RBBP8: variants seen among roughly 807,000 people sequenced by gnomAD.
RBBP8 encodes the protein RB binding protein 8, endonuclease, also known as DNA endonuclease RBBP8.
A neutral mutation model predicts 108.3 loss-of-function variants in RBBP8; 88 were observed. The ratio of observed to expected loss-of-function variants is 0.81; its 90% confidence interval spans 0.68 to 0.97. The LOEUF is 0.97. Ranked by LOEUF, RBBP8 falls within the 50% of genes least tolerant of loss-of-function variation. The pLI is 0.00. For missense variants in RBBP8, 1,023 were observed against 1,049.0 expected, an observed-to-expected ratio of 0.98 and a Z score of 0.34; for synonymous variants, 332 against 348.2, an observed-to-expected ratio of 0.95 and a Z score of 0.52.
At chr18:23,006,334 A>T (rs1295863435) in intron 15 of RBBP8, 29 bp from the exon 16 acceptor site, 1 of 1,576,568 alleles carries the variant, frequency 6.3e-7, no homozygotes, top group African/African-American at 1.4e-5. Flanking sequence ...TTCTACATTT[A>T]GTTTGTAATG....
chr18:22,958,682 C>G (rs964400141), intron 4 of RBBP8, among the ~76,000 whole-genome samples: 2 of 152,068 alleles, frequency 1.3e-5, no homozygotes, highest in African/African-American at 4.8e-5. Context: ...GTAGCTGGGA[C>G]TACACATAAC....
chr18:22,938,157 G>A (rs370106778), intron 2 of RBBP8, among the ~76,000 whole-genome samples: 1 of 151,900 alleles, frequency 6.6e-6, no homozygotes, highest in Middle Eastern at 3.2e-3. Flanking sequence ...TTTGAGACAG[G>A]GTCTTGCTTT....
chr18:23,014,238 T>TGCCC (rs1176265326), intron 16 of RBBP8, among the ~76,000 whole-genome samples: 1 of 152,154 alleles, frequency 6.6e-6, no homozygotes, highest in Non-Finnish European at 1.5e-5. Context: ...GTTGTTTTCA[T>TGCCC]GCCCGCTAAC....
intron 6 of RBBP8, among the ~76,000 whole-genome samples, chr18:22,980,044 G>C (rs1481937022): frequency 6.6e-6 from 1 of 152,072 alleles, no homozygotes; most frequent in Non-Finnish European, 1.5e-5. Context: ...TCAGGAGTTT[G>C]GGACCAGCCT....
intron 10 of RBBP8, among the ~76,000 whole-genome samples, 192 bp from the exon 11 acceptor site, chr18:22,992,556 G>T (rs574792344): frequency 6.6e-6 from 1 of 152,130 alleles, no homozygotes; most frequent in Admixed American, 6.6e-5. Context: ...TTTAAAATAT[G>T]AATATTATGG....
chr18:22,975,315 T>C (rs1456668344), intron 6 of RBBP8, 96 bp downstream of exon 6: 1 of 1,516,156 alleles, frequency 6.6e-7, no homozygotes, highest in Non-Finnish European at 8.9e-7. Flanking sequence ...TTAAAAATTA[T>C]GAAGTGTTCT....
chr18:23,022,556 T>G (rs1369714977), intron 18 of RBBP8, among the ~76,000 whole-genome samples: 1 of 147,876 alleles, frequency 6.8e-6, no homozygotes, highest in African/African-American at 2.6e-5. Context: ...GAGCCAAGAT[T>G]GTGCCATTGC....
In RBBP8 at chr18:22,982,910, A is replaced by G. The variant is rs1028788432; in HGVS notation, c.604+517A>G. Among the ~76,000 whole-genome samples the G allele has an allele frequency of 2.6e-5, 4 of 152,244 alleles. No homozygotes were observed. In the South Asian group the frequency reaches 6.2e-4, roughly 24 times the overall value. On this transcript the variant is annotated intron_variant, in intron 7 of 18. Coordinates refer to ENST00000327155, the MANE Select transcript of RBBP8 (RefSeq NM_002894.3). ...TGTAGATGAGTCAAAATTCAAATAC[A>G]GATCTTCTTAGCTCTGAACTTTCCT...
intron 2 of RBBP8, among the ~76,000 whole-genome samples, chr18:22,945,216 G>A (rs909563283): frequency 2.0e-5 from 3 of 152,056 alleles, no homozygotes; most frequent in Non-Finnish European, 4.4e-5. Context: ...AAATTAAAGA[G>A]TAAATATTGA....
chr18:23,010,824 T>G (rs912781575), intron 16 of RBBP8, among the ~76,000 whole-genome samples: 3 of 152,126 alleles, frequency 2.0e-5, no homozygotes, highest in African/African-American at 7.2e-5. Context: ...GAAGATGGAT[T>G]GTGTAGTATC....
chr18:22,997,487 C>A, intron 13 of RBBP8, 133 bp from the exon 14 acceptor site: 1 of 675,826 alleles, frequency 1.5e-6, no homozygotes, highest in Non-Finnish European at 2.6e-6. Context: ...AGTATAAAAG[C>A]AAATATAGCT....
intron 3 of RBBP8, among the ~76,000 whole-genome samples, chr18:22,947,007 T>G (rs1911620714): frequency 6.6e-6 from 1 of 152,098 alleles, no homozygotes; most frequent in Non-Finnish European, 1.5e-5. Context: ...AGATCTGATT[T>G]TTTAAGTTCG....
chr18:22,941,662 T>C (rs1366425410), intron 2 of RBBP8, among the ~76,000 whole-genome samples: 1 of 152,058 alleles, frequency 6.6e-6, no homozygotes, highest in Non-Finnish European at 1.5e-5. Flanking sequence ...CTTGCAAATA[T>C]TATGTAGTAG....
upstream of RBBP8, among the ~76,000 whole-genome samples, chr18:22,930,695 T>C (rs750019750): frequency 1.3e-5 from 2 of 152,224 alleles, no homozygotes; most frequent in Non-Finnish European, 2.9e-5. Flanking sequence ...ATTTCATTCA[T>C]TCATAGAATA....
intron 13 of RBBP8, among the ~76,000 whole-genome samples, chr18:22,996,844 A>G (rs1046672389): frequency 5.9e-5 from 9 of 152,148 alleles, no homozygotes; most frequent in African/African-American, 2.2e-4. Context: ...AGGAAATTTT[A>G]AAGTTAGCTG....
At chr18:22,994,618 G>T (rs1015516550) in intron 12 of RBBP8, among the ~76,000 whole-genome samples, 7 of 147,378 alleles carry the variant, frequency 4.7e-5, no homozygotes, top group Non-Finnish European at 7.4e-5. Context: ...CTGCACTCCA[G>T]CCTGGGTGAC....
intron 15 of RBBP8, among the ~76,000 whole-genome samples, chr18:23,005,044 T>G (rs938005906): frequency 6.6e-6 from 1 of 152,094 alleles, no homozygotes; most frequent in Non-Finnish European, 1.5e-5. Context: ...CGCCTAGTAG[T>G]CCCAGCTACT....
At chr18:22,924,723 C>G (rs1909725876) in intron 3 of RBBP8, among the ~76,000 whole-genome samples, 1 of 152,110 alleles carries the variant, frequency 6.6e-6, no homozygotes, top group African/African-American at 2.4e-5. Flanking sequence ...GCATCAGGCT[C>G]TGACCATATG....
At chr18:22,932,721 T>C (rs1409249888), upstream of RBBP8, among the ~76,000 whole-genome samples, 1 of 152,198 alleles carries the variant, frequency 6.6e-6, no homozygotes, top group Non-Finnish European at 1.5e-5. Flanking sequence ...ATACCTACTA[T>C]CGGTTTGAAT....
Sources: allele counts gnomAD v4.1 joint callset (sites outside exome capture counted in the v4.1 genomes callset), GRCh38; gene constraint gnomAD v4.1.1; transcripts MANE v1.5; gene names NCBI Gene and HGNC (gene_info 2026-07-23, HGNC 2026-07-21).